The following ZNF225 variants were observed in gnomAD, a reference collection of about 807,000 sequenced individuals.
ZNF225 encodes the protein zinc finger protein 225.
A neutral mutation model predicts 12.0 loss-of-function variants in ZNF225; 6 were observed. The observed-to-expected ratio is 0.50, with a 90% CI of 0.27 to 0.98. The LOEUF is 0.98. Ranked by LOEUF, ZNF225 falls within the 50% of genes least tolerant of loss-of-function variation. ZNF225 has a pLI of 0.11. For synonymous variants in ZNF225, 271 were observed against 283.2 expected (o/e 0.96, Z 0.43); for missense variants, 763 against 848.2 (o/e 0.90, Z 1.25).
At chr19:44,115,025 G>A (rs73934325) in intron 1 of ZNF225, among the ~76,000 whole-genome samples, 4,619 of 152,162 alleles carry the variant, frequency 0.03, 235 homozygotes, top group African/African-American at 0.1. Context: ...AATTTTGTAA[G>A]GAGAAATACA....
chr19:44,130,721 A>AAAAAAAAAAAAAAC (rs1305245330), intron 4 of ZNF225, 129 bp from the exon 5 acceptor site: 1 of 489,084 alleles, frequency 2.0e-6, no homozygotes, highest in African/African-American at 2.0e-5. Context: ...AAAAAAAAAA[A>AAAAAAAAAAAAAAC]AAAGGAAAAT....
At chr19:44,122,980 G>T (rs1412756284) in intron 4 of ZNF225, among the ~76,000 whole-genome samples, 1 of 152,096 alleles carries the variant, frequency 6.6e-6, no homozygotes, top group African/African-American at 2.4e-5. Context: ...CGATTTGGGT[G>T]CCCCTTATTT....
chr19:44,129,125 A>G, intron 4 of ZNF225: 1 of 1,230,050 alleles, frequency 8.1e-7, no homozygotes, highest in Non-Finnish European at 1.0e-6. Context: ...TCATATCAGT[A>G]CAGACAAATG....
At chr19:44,113,398 C>A (rs958442212), upstream of ZNF225, 4 of 152,212 alleles carry the variant, frequency 2.6e-5, no homozygotes, top group African/African-American at 9.7e-5. Context: ...TCCAGACACT[C>A]AGTGGAGTAG....
At position 44,131,321 on chromosome 19, in the gene ZNF225, A is replaced by G; in HGVS notation, c.707A>G (p.Gln236Arg). Residue 236 changes from glutamine (Q) to arginine (R), a missense_variant, in exon 5 of 5, where the codon CAG becomes CGG. Gln to Arg is a conservative substitution (Grantham distance 43, BLOSUM62 1). Transcript: ENST00000262894. ...GGAGAGAAACCATTCAAATGTGAGC[A>G]GTGTGGGAAAGGCTTTAGTCGTAGA... ...HTGEKPFKCE[Q>R]CGKGFSRRSG... The G allele has an allele frequency of 6.2e-7, 1 of 1,614,208 alleles. No homozygotes were observed. Among genetic ancestry groups the G allele is most frequent in the African/African-American group, 1.3e-5 (1 of 75,060 alleles).
chr19:44,118,001 A>G (rs1967974253), intron 2 of ZNF225, among the ~76,000 whole-genome samples, 187 bp from the exon 3 acceptor site: 1 of 152,222 alleles, frequency 6.6e-6, no homozygotes, highest in Non-Finnish European at 1.5e-5. Context: ...CCCGGGCAAC[A>G]GAGCAAGACT....
intron 1 of ZNF225, among the ~76,000 whole-genome samples, 165 bp downstream of exon 1, chr19:44,113,734 C>T (rs750664026): frequency 3.9e-5 from 6 of 152,050 alleles, no homozygotes; most frequent in African/African-American, 1.2e-4. Context: ...CCCTGCACCC[C>T]ACGCGCGTGG....
intron 3 of ZNF225, 79 bp from the exon 4 acceptor site, chr19:44,118,403 C>A: frequency 6.2e-7 from 1 of 1,610,876 alleles, no homozygotes; most frequent in East Asian, 2.2e-5. Context: ...GCATTGGGAA[C>A]CTAAGTTTCC....
intron 4 of ZNF225, among the ~76,000 whole-genome samples, chr19:44,124,104 A>G (rs1968102472): frequency 6.6e-6 from 1 of 151,942 alleles, no homozygotes; most frequent in Admixed American, 6.6e-5. Flanking sequence ...GTGTGATCTT[A>G]GAATGTAAGT....
At chr19:44,119,382 C>T (rs771610278) in intron 4 of ZNF225, among the ~76,000 whole-genome samples, 1 of 152,220 alleles carries the variant, frequency 6.6e-6, no homozygotes, top group Non-Finnish European at 1.5e-5. Flanking sequence ...AAGTCTGACA[C>T]GTCTCACCGG....
Position 44,132,517 on chromosome 19 carries a change from T to C in ZNF225, c.1903T>C (p.Trp635Arg). The C allele has an allele frequency of 6.2e-7, 1 of 1,614,092 alleles. No homozygotes were observed. The highest frequency in any genetic ancestry group is 8.5e-7 in the Non-Finnish European group (1 of 1,180,002). Residue 635 changes from tryptophan to arginine, a missense_variant, in exon 5 of 5, where the codon TGG becomes CGG. Coordinates refer to ENST00000262894, the MANE Select transcript of ZNF225 (RefSeq NM_013362.4). ...KCEKCGKSFR[W>R]ASTHLTHQRL... ...TGAGAAGTGTGGAAAGAGCTTCAGA[T>C]GGGCCTCAACTCATCTAACCCATCA...
In ZNF225 at chr19:44,118,515, TC is replaced by T. The variant is rs778925210; in HGVS notation, c.178del (p.Leu60Ter). 12 of 1,613,460 alleles carry T rather than the reference TC, an allele frequency of 7.4e-6. No individual in the cohort carries two copies. Among genetic ancestry groups the T allele is most frequent in the Middle Eastern group, 1.6e-4 (1 of 6,080 alleles). ...TCACTCCACAGAGATACTTTCCACT[TC>T]CTAAAGGAAGAAAAGTTTTGGATGA... ...HQSLHRDTFH[F>X]LKEEKFWMME... On this transcript the variant is annotated frameshift_variant, in exon 4 of 5. Transcript: ENST00000262894. LOFTEE classifies it high-confidence loss of function.
At chr19:44,114,806 A>G (rs561247546) in intron 1 of ZNF225, among the ~76,000 whole-genome samples, 3 of 152,200 alleles carry the variant, frequency 2.0e-5, no homozygotes, top group Non-Finnish European at 4.4e-5. Context: ...CACCGTGCCC[A>G]GCCTGAAGTG....
chr19:44,126,256 T>C (rs1012363738), intron 4 of ZNF225, among the ~76,000 whole-genome samples: 2 of 152,194 alleles, frequency 1.3e-5, no homozygotes, highest in Non-Finnish European at 2.9e-5. Flanking sequence ...ACTCTCCCCC[T>C]TTTCCTATGG....
Position 44,132,857 on chromosome 19 carries a change from A to G in ZNF225, c.*122A>G. On this transcript the variant is annotated 3_prime_UTR_variant, in exon 5 of 5. Coordinates refer to ENST00000262894, the MANE Select transcript of ZNF225 (RefSeq NM_013362.4). The stretch of plus-strand genomic sequence containing the variant: ...ACATTTATCATTTATTTATGTTGGG[A>G]ACCCTTAAAATTCACTGTCCTAGCT... 1 of 930,606 alleles carries G rather than the reference A, an allele frequency of 1.1e-6. No homozygotes were observed. Among genetic ancestry groups the G allele is most frequent in the Non-Finnish European group, 1.6e-6 (1 of 642,850 alleles). The allele number at this position is 930,606 out of a possible 1,614,324, so 57.6% of individuals were successfully genotyped here.
intron 2 of ZNF225, 34 bp downstream of exon 2, chr19:44,115,876 TTC>T: frequency 6.2e-7 from 1 of 1,608,432 alleles, no homozygotes; most frequent in Non-Finnish European, 8.5e-7. Context: ...CTGTTAAAAT[TTC>T]TTTTATGGAG....
rs1306968453 is a variant in ZNF225, at chr19:44,132,008, T to C, written c.1394T>C (p.Phe465Ser). Residue 465 changes from phenylalanine to serine, a missense_variant, in exon 5 of 5, where the codon TTT becomes TCT. Phe to Ser is a radical substitution (Grantham distance 155). Transcript: ENST00000262894. The stretch of plus-strand genomic sequence containing the variant: ...AATTGTAAGGAATGTGGGAAGAGCT[T>C]TGGCTGGGCCTCGTGTCTTTTGAAT... The part of the protein sequence containing the change: ...PYNCKECGKS[F>S]GWASCLLNHQ... 4 of 1,613,928 alleles carry C rather than the reference T, an allele frequency of 2.5e-6. No homozygotes were observed. Among genetic ancestry groups the C allele is most frequent in the Admixed American group, 3.3e-5 (2 of 60,000 alleles).
At chr19:44,129,697 C>T (rs1968209843) in intron 4 of ZNF225, 1 of 152,210 alleles carries the variant, frequency 6.6e-6, no homozygotes, top group South Asian at 2.1e-4. Flanking sequence ...GCACCACATT[C>T]TCCTCATAGG....
rs1886496507 is a variant in ZNF225, at chr19:44,132,800, A to G, written c.*65A>G. 1.5e-6 allele frequency: 2 copies of G among 1,317,840 alleles called. No individual in the cohort carries two copies. Among genetic ancestry groups the G allele is most frequent in the South Asian group, 3.1e-5 (2 of 64,160 alleles). The allele number at this position is 1,317,840 out of a possible 1,614,324, so 81.6% of individuals were successfully genotyped here. A position where few individuals can be genotyped will look rare whatever the true frequency, so the allele number is the denominator to read the frequency against. ...GCAAGTATACAATGTGTAATGATCA[A>G]ATCAGTGTAATTAACATACCTATCA... On this transcript the variant is annotated 3_prime_UTR_variant, in exon 5 of 5. Transcript: ENST00000262894.
Sources: gnomAD v4.1 joint callset for allele counts (sites outside exome capture counted in the v4.1 genomes callset) on GRCh38, gnomAD v4.1.1 for gene constraint, MANE v1.5 for transcripts, NCBI Gene and HGNC (gene_info 2026-07-23, HGNC 2026-07-21) for gene names.